The following SH3GL1 variants were observed in gnomAD, a reference collection of about 807,000 sequenced individuals.
SH3GL1 encodes endophilin-A2.
SH3GL1 carries 21 observed loss-of-function variants against 48.8 expected under a neutral mutation model. That is an observed-to-expected ratio of 0.43 (90% CI 0.30 to 0.62). The LOEUF is 0.62. SH3GL1 is among the 20% of genes least tolerant of loss of function. The pLI, the probability that SH3GL1 is intolerant of heterozygous loss-of-function variation, is 0.11. For synonymous variants in SH3GL1, 282 were observed against 217.5 expected, an observed-to-expected ratio of 1.30 and a Z score of -2.61; for missense variants, 454 against 503.0, an observed-to-expected ratio of 0.90 and a Z score of 0.93.
intron 4 of SH3GL1, among the ~76,000 whole-genome samples, chr19:4,364,916 A>ATATATATTTT (rs1450528018): frequency 2.6e-5 from 3 of 116,212 alleles, no homozygotes; most frequent in Admixed American, 8.8e-5. Flanking sequence ...ATATATATAT[A>ATATATATTTT]TTTTTTTTTT....
At chr19:4,365,712 C>T in intron 3 of SH3GL1, 87 bp from the exon 4 acceptor site, 1 of 1,573,712 alleles carries the variant, frequency 6.4e-7, no homozygotes, top group Non-Finnish European at 8.7e-7. Flanking sequence ...CTCCTCCCCA[C>T]CCTTGCTTCC....
intron 1 of SH3GL1, among the ~76,000 whole-genome samples, chr19:4,369,626 T>TCTGGCC (rs1048416981): frequency 1.3e-5 from 2 of 152,178 alleles, no homozygotes; most frequent in South Asian, 2.1e-4. Context: ...GGCCTCTGGC[T>TCTGGCC]CTGGCCCTGG....
rs1973010930 is a variant in SH3GL1 at position 4,376,479 on chromosome 19, G to C, written c.46-9485C>G. Among the ~76,000 whole-genome samples, 1 of 152,100 alleles carries C rather than the reference G, an allele frequency of 6.6e-6. No homozygotes were observed. Among genetic ancestry groups the C allele is most frequent in the Non-Finnish European group, 1.5e-5 (1 of 68,016 alleles). ...GCCTCTCCCGTGTCCTATCCGCCCA[G>C]ACCTCAGACCTCAGAGAAGCCTCCT... On this transcript the variant is annotated intron_variant, in intron 1 of 9. Transcript: ENST00000269886. The surrounding 1 kb of genome is among the most constrained non-coding windows in gnomAD (Gnocchi z 4.3).
chr19:4,398,399 T>C (rs77422964), intron 1 of SH3GL1, among the ~76,000 whole-genome samples: 3 of 151,884 alleles, frequency 2.0e-5, no homozygotes, highest in African/African-American at 7.3e-5. Flanking sequence ...TTTTTTTTTT[T>C]CAAGACGGAG....
rs146255193 is a variant in SH3GL1 at position 4,362,649 on chromosome 19, G to A, written c.816C>T (p.Asn272=). The change falls in exon 8 of 10, where the codon AAC becomes AAT. Residue 272 remains asparagine (N), a synonymous_variant. Coordinates refer to ENST00000269886, the MANE Select transcript of SH3GL1 (RefSeq NM_003025.4). ...GGGCTGTGGTGCAGGGGAAGCCCCC[G>A]TTGGACTGCTCAGGCTCTCCAAGGT... ...PFDLGEPEQS[N]GGFPCTTAPK... 4.8e-5 allele frequency: 77 copies of A among 1,613,806 alleles called. 1 individual carries two copies. The Middle Eastern group carries it at 3.3e-3, about 70-fold the overall frequency.
At chr19:4,369,527 CAGG>C (rs1195353355) in intron 1 of SH3GL1, among the ~76,000 whole-genome samples, 3 of 152,128 alleles carry the variant, frequency 2.0e-5, no homozygotes, top group South Asian at 2.1e-4. Flanking sequence ...TCTCACAGGG[CAGG>C]AGGAGAGGCC....
chr19:4,362,051 C>T (rs1301187523), intron 9 of SH3GL1, among the ~76,000 whole-genome samples: 1 of 152,198 alleles, frequency 6.6e-6, no homozygotes, highest in African/African-American at 2.4e-5. Context: ...GGTGCTGCTG[C>T]GGTGACAGGG....
intron 1 of SH3GL1, among the ~76,000 whole-genome samples, chr19:4,377,975 C>A (rs243402): frequency 0.32 from 48,845 of 151,948 alleles, 8,371 homozygotes; most frequent in East Asian, 0.64. Context: ...CCCGCTGTGG[C>A]TCATCGTCCT....
chr19:4,397,850 T>A (rs1388651965), intron 1 of SH3GL1, among the ~76,000 whole-genome samples: 2 of 152,146 alleles, frequency 1.3e-5, no homozygotes, highest in East Asian at 3.9e-4. Flanking sequence ...TTGTTACTTT[T>A]TTTATTTATT....
intron 1 of SH3GL1, among the ~76,000 whole-genome samples, chr19:4,374,924 G>A (rs1163751129): frequency 6.6e-6 from 1 of 152,212 alleles, no homozygotes; most frequent in Non-Finnish European, 1.5e-5. Context: ...CCGCCCGTCT[G>A]GCAGAAGCCA....
chr19:4,373,063 CAGG>C (rs1194541981), intron 1 of SH3GL1, among the ~76,000 whole-genome samples: 7 of 152,112 alleles, frequency 4.6e-5, no homozygotes, highest in Admixed American at 6.5e-5. Flanking sequence ...AGGTGAAAAG[CAGG>C]AGTAGTCATT....
In SH3GL1 at chr19:4,363,483, C is replaced by T. The variant is rs1972682130; in HGVS notation, c.625-10G>A. On this transcript the variant is annotated splice_polypyrimidine_tract_variant and intron_variant, in intron 6 of 9. Transcript: ENST00000269886. Reference sequence around the variant, plus strand: ...GACTCACCTGCTCGATCTGTGGGGACAGTAGGGCTCAGGGGCTCCTGCCAG... The same window carrying T: ...GACTCACCTGCTCGATCTGTGGGGATAGTAGGGCTCAGGGGCTCCTGCCAG... 6 of 1,607,262 alleles carry T rather than the reference C, an allele frequency of 3.7e-6. No homozygotes were observed. The highest frequency in any genetic ancestry group is 5.1e-6 in the Non-Finnish European group (6 of 1,176,104).
intron 1 of SH3GL1, among the ~76,000 whole-genome samples, chr19:4,393,339 GC>G (rs1194627972): frequency 2.0e-5 from 3 of 152,024 alleles, no homozygotes. Flanking sequence ...AAAGGTCAGG[GC>G]CAAGCACAGA....
At chr19:4,370,630 C>T (rs1162304743) in intron 1 of SH3GL1, among the ~76,000 whole-genome samples, 3 of 152,236 alleles carry the variant, frequency 2.0e-5, no homozygotes, top group South Asian at 2.1e-4. Context: ...GCAACACCAG[C>T]GCCTTCTCTC....
Position 4,389,485 on chromosome 19 carries a change from C to T in SH3GL1, c.45+10839G>A, listed in dbSNP as rs894617737. ...AGTACAGGGCCCCACACAGGGTGGG[C>T]GGGAGGGACTGACTGTGTGAGTTCC... On this transcript the variant is annotated intron_variant, in intron 1 of 9. Transcript: ENST00000269886. This position sits in a 1 kb window ranked among gnomAD's most constrained non-coding sequence, Gnocchi z 4.5. 4.2e-5 allele frequency among the ~76,000 whole-genome samples: 6 copies of T among 141,404 alleles called. No individual in the cohort carries two copies. The highest frequency in any genetic ancestry group is 1.4e-4 in the Admixed American group (2 of 14,400). The allele number at this position is 141,404 out of a possible 152,430, so 92.8% of individuals were successfully genotyped here.
At chr19:4,379,642 C>T (rs1395888586) in intron 1 of SH3GL1, among the ~76,000 whole-genome samples, 1 of 152,052 alleles carries the variant, frequency 6.6e-6, no homozygotes, top group East Asian at 1.9e-4. Context: ...GCTGCCCATC[C>T]TGAACGCAAC....
At chr19:4,366,470 G>C in intron 3 of SH3GL1, 31 bp downstream of exon 3, 3 of 1,557,630 alleles carry the variant, frequency 1.9e-6, no homozygotes, top group Non-Finnish European at 2.6e-6. Flanking sequence ...GAGGGCCTGG[G>C]GCAGGCCCTG....
At position 4,361,563 on chromosome 19, in the gene SH3GL1, A is replaced by C; in HGVS notation, c.*37T>G. On this transcript the variant is annotated 3_prime_UTR_variant, in exon 10 of 10. Transcript: ENST00000269886. The stretch of plus-strand genomic sequence containing the variant: ...GGAGACCCAGCAGGGGGTGCCGGCC[A>C]GTGTGGACGGAGGGGCGGGGCGGGG... 1 of 1,499,620 alleles carries C rather than the reference A, an allele frequency of 6.7e-7. No homozygotes were observed. 92.9% of individuals were successfully genotyped at this position (1,499,620 alleles called of 1,614,324 possible). A position where few individuals can be genotyped will look rare whatever the true frequency, so the allele number is the denominator to read the frequency against.
chr19:4,361,794 G>A lies in SH3GL1; in HGVS notation c.913C>T (p.Pro305Ser), dbSNP rs775925269. ...GCCTTGCAGCTCGGCTGGTCCAGGG[G>A]CGCTGGGGGCGGGAGCGGGCTGTGG... The part of the protein sequence containing the change: ...PIRTPSRSMP[P>S]LDQPSCKALY... Residue 305 changes from proline to serine, a missense_variant and splice_region_variant, in exon 10 of 10, where the codon CCC (proline) becomes TCC (serine). Pro to Ser is a moderately conservative substitution (Grantham distance 74). Around this residue, in one of 2 missense-constraint regions of SH3GL1, gnomAD observed 278 missense variants for 246.8 expected, o/e 1.13. Coordinates refer to ENST00000269886, the MANE Select transcript of SH3GL1 (RefSeq NM_003025.4). 12 of 1,605,422 alleles carry A rather than the reference G, an allele frequency of 7.5e-6. No individual in the cohort carries two copies. The highest frequency in any genetic ancestry group is 1.0e-5 in the Non-Finnish European group (12 of 1,179,004).
Sources: allele counts gnomAD v4.1 joint callset (sites outside exome capture counted in the v4.1 genomes callset), GRCh38; gene constraint gnomAD v4.1.1; regional missense constraint gnomAD v4.1.1; non-coding constraint Gnocchi (gnomAD v3.1); transcripts MANE v1.5; gene names NCBI Gene and HGNC (gene_info 2026-07-23, HGNC 2026-07-21).